Variants in CCBE1 observed in about 807,000 individuals in gnomAD.
CCBE1 encodes the protein collagen and calcium-binding EGF domain-containing protein 1.
A neutral mutation model predicts 50.0 loss-of-function variants in CCBE1; 37 were observed. The ratio of observed to expected loss-of-function variants is 0.74; its 90% CI spans 0.57 to 0.97. The LOEUF is 0.97. CCBE1 is among the 50% of genes least tolerant of loss of function. The probability of loss-of-function intolerance (pLI) is 0.00; values close to 1 mark genes in which losing one functional copy is unlikely to be tolerated. For synonymous variants in CCBE1, 234 were observed against 203.7 expected (o/e 1.15, Z -1.27); for missense variants, 538 against 523.8 (o/e 1.03, Z -0.26).
At chr18:59,471,083 G>T (rs963223322) in intron 3 of CCBE1, among the ~76,000 whole-genome samples, 3 of 152,164 alleles carry the variant, frequency 2.0e-5, no homozygotes, top group African/African-American at 7.2e-5. Context: ...CGTGATCCTG[G>T]CATGACTGGC....
chr18:59,454,295 A>G (rs1244520343), intron 6 of CCBE1, among the ~76,000 whole-genome samples: 1 of 152,176 alleles, frequency 6.6e-6, no homozygotes, highest in Non-Finnish European at 1.5e-5. Flanking sequence ...CCCAGGCTGG[A>G]GTGCAATGGA....
intron 2 of CCBE1, among the ~76,000 whole-genome samples, chr18:59,482,237 C>T (rs1473985874): frequency 2.0e-5 from 3 of 152,160 alleles, no homozygotes; most frequent in Non-Finnish European, 2.9e-5. Flanking sequence ...TTTATGGCTG[C>T]TTAGTATTCC....
intron 2 of CCBE1, among the ~76,000 whole-genome samples, chr18:59,542,365 C>T (rs1053926577): frequency 4.6e-5 from 7 of 152,014 alleles, no homozygotes; most frequent in African/African-American, 1.7e-4. Flanking sequence ...TTTTTATGAA[C>T]ACGTGGCATG....
chr18:59,606,684 G>A (rs1242908514), intron 2 of CCBE1, among the ~76,000 whole-genome samples: 24 of 151,908 alleles, frequency 1.6e-4, no homozygotes, highest in Admixed American at 1.6e-3. Flanking sequence ...TGAATCTTTT[G>A]TTACCCCTGC....
intron 2 of CCBE1, among the ~76,000 whole-genome samples, chr18:59,497,374 C>T (rs1033784788): frequency 5.9e-5 from 9 of 152,124 alleles, no homozygotes; most frequent in Non-Finnish European, 1.3e-4. Context: ...GAGTAATATA[C>T]TGAGCAAAGA....
chr18:59,501,973 A>G (rs1568174096), intron 2 of CCBE1, among the ~76,000 whole-genome samples: 1 of 152,066 alleles, frequency 6.6e-6, no homozygotes, highest in African/African-American at 2.4e-5. Flanking sequence ...TAATTTTTGT[A>G]TTTTTAGCAC....
At chr18:59,518,909 C>G (rs1914484638) in intron 2 of CCBE1, among the ~76,000 whole-genome samples, 1 of 152,148 alleles carries the variant, frequency 6.6e-6, no homozygotes, top group Non-Finnish European at 1.5e-5. Flanking sequence ...GCTCCCTTGC[C>G]CCAGGCTCTA....
chr18:59,552,600 A>G (rs1339216746), intron 2 of CCBE1, among the ~76,000 whole-genome samples: 2 of 152,240 alleles, frequency 1.3e-5, no homozygotes, highest in Non-Finnish European at 2.9e-5. Context: ...AAAGTTGGCA[A>G]TAGTTCCCAC....
chr18:59,568,006 T>A (rs2052855237), intron 2 of CCBE1, among the ~76,000 whole-genome samples: 1 of 152,180 alleles, frequency 6.6e-6, no homozygotes, highest in Non-Finnish European at 1.5e-5. Context: ...TGGTAGCTAT[T>A]CTTTTTCTAT....
At chr18:59,629,326 AC>A (rs368056035) in intron 2 of CCBE1, among the ~76,000 whole-genome samples, 1 of 151,664 alleles carries the variant, frequency 6.6e-6, no homozygotes, top group African/African-American at 2.4e-5. Flanking sequence ...CTTCAAGGAG[AC>A]CCCCTCAGAA....
chr18:59,521,012 G>C (rs1271690268), intron 2 of CCBE1, among the ~76,000 whole-genome samples: 1 of 152,180 alleles, frequency 6.6e-6, no homozygotes, highest in Non-Finnish European at 1.5e-5. Context: ...GATATTCTCT[G>C]AATGCTGAAA....
At chr18:59,504,883 A>G (rs1275188460) in intron 2 of CCBE1, among the ~76,000 whole-genome samples, 1 of 152,026 alleles carries the variant, frequency 6.6e-6, no homozygotes, top group African/African-American at 2.4e-5. Context: ...TTTCTGTGCC[A>G]TTTGGCCTCA....
chr18:59,486,286 T>C (rs1598942666), intron 2 of CCBE1, among the ~76,000 whole-genome samples: 1 of 152,344 alleles, frequency 6.6e-6, no homozygotes, highest in Middle Eastern at 3.4e-3. Context: ...CAAAAGCAAC[T>C]CTTCCCAGTT....
At chr18:59,476,321 A>G (rs532332440) in intron 3 of CCBE1, among the ~76,000 whole-genome samples, 19 of 152,206 alleles carry the variant, frequency 1.2e-4, no homozygotes, top group Non-Finnish European at 2.6e-4. Flanking sequence ...GCTACCTGGC[A>G]GGGACTGTGT....
intron 2 of CCBE1, among the ~76,000 whole-genome samples, chr18:59,605,379 G>C (rs546293140): frequency 7.2e-5 from 11 of 152,318 alleles, no homozygotes; most frequent in South Asian, 4.1e-4. Context: ...GTGGGTCGAT[G>C]GTTGGAATAA....
chr18:59,538,625 C>T (rs941530075), intron 2 of CCBE1, among the ~76,000 whole-genome samples: 5 of 152,090 alleles, frequency 3.3e-5, no homozygotes, highest in Non-Finnish European at 5.9e-5. Flanking sequence ...AAATGCCTGA[C>T]GTGAGGAGGG....
chr18:59,646,189 C>G (rs1345780411), intron 2 of CCBE1, among the ~76,000 whole-genome samples: 1 of 152,158 alleles, frequency 6.6e-6, no homozygotes, highest in Non-Finnish European at 1.5e-5. Context: ...TGTGAGTCCA[C>G]TGGTGTTTGT....
chr18:59,432,142 G>T lies in CCBE1; in HGVS notation c.*3766C>A, dbSNP rs188998409. 1 of 151,920 alleles carries T rather than the reference G, an allele frequency of 6.6e-6. No homozygotes were observed. Among genetic ancestry groups the T allele is most frequent in the Non-Finnish European group, 1.5e-5 (1 of 67,998 alleles). 9.4% of individuals were successfully genotyped at this position (151,920 alleles called of 1,614,324 possible). On this transcript the variant is annotated 3_prime_UTR_variant, in exon 11 of 11. Coordinates refer to ENST00000439986, the MANE Select transcript of CCBE1 (RefSeq NM_133459.4). The stretch of plus-strand genomic sequence containing the variant: ...CTAATTTTTTTTTTTATTTATTTTA[G>T]TAGAGATGGGGTTTCACCACGTGTT...
chr18:59,598,106 T>A (rs1223876867), intron 2 of CCBE1, among the ~76,000 whole-genome samples: 1 of 152,152 alleles, frequency 6.6e-6, no homozygotes, highest in Non-Finnish European at 1.5e-5. Flanking sequence ...GCCCTCATCT[T>A]CCAGTGACAG....
Sources: gnomAD v4.1 joint callset for allele counts (sites outside exome capture counted in the v4.1 genomes callset) on GRCh38, gnomAD v4.1.1 for gene constraint, MANE v1.5 for transcripts, NCBI Gene and HGNC (gene_info 2026-07-23, HGNC 2026-07-21) for gene names.